The following ADGRL2 variants were observed in gnomAD, a reference collection of about 807,000 sequenced individuals.
The protein encoded by ADGRL2 is adhesion G protein-coupled receptor L2.
A neutral mutation model predicts 157.4 loss-of-function variants in ADGRL2; 44 were observed. The observed-to-expected ratio is 0.28, with a 90% CI of 0.22 to 0.36. The LOEUF is 0.36. Among genes scored for constraint, ADGRL2 ranks in the 10% least tolerant of loss-of-function variants. ADGRL2 has a pLI of 1.00. For missense variants in ADGRL2, 1,510 were observed against 1,768.9 expected, an observed-to-expected ratio of 0.85 and a Z score of 2.63; for synonymous variants, 585 against 624.7, an observed-to-expected ratio of 0.94 and a Z score of 0.95.
In ADGRL2 at chr1:81,992,329, CT is replaced by C. The variant is rs1453116260; in HGVS notation, c.*1187del. The C allele has an allele frequency of 1.3e-5, 2 of 152,192 alleles. No homozygotes were observed. Among genetic ancestry groups the C allele is most frequent in the African/African-American group, 2.4e-5 (1 of 41,332 alleles). 9.4% of individuals were successfully genotyped at this position (152,192 alleles called of 1,614,324 possible). A position where few individuals can be genotyped will look rare whatever the true frequency, so the allele number is the denominator to read the frequency against. On this transcript the variant is annotated 3_prime_UTR_variant, in exon 24 of 24. Transcript: ENST00000686636. ...GCAAAATTCTGCTTTTTTTTCATCC[CT>C]TTGTGTAAACCTGTTAATAATGAGC...
chr1:81,354,305 G>A (rs148197754), intron 1 of ADGRL2, among the ~76,000 whole-genome samples: 4 of 152,282 alleles, frequency 2.6e-5, no homozygotes, highest in African/African-American at 9.6e-5. Context: ...AGTTAATGAT[G>A]AAACTAATAT....
Position 81,475,084 on chromosome 1 carries a change from C to T in ADGRL2, c.-248+29995C>T, listed in dbSNP as rs2078245337. 2.0e-5 allele frequency among the ~76,000 whole-genome samples: 3 copies of T among 152,162 alleles called. No homozygotes were observed. The South Asian group carries it at 6.2e-4, about 32-fold the overall frequency. Reference sequence around the variant, plus strand: ...CCCCCAAGTCTTTAGCCTTCTATTTCCTTGGTTTCCTAGAGCTCATTGACA... The same window carrying T: ...CCCCCAAGTCTTTAGCCTTCTATTTTCTTGGTTTCCTAGAGCTCATTGACA... On this transcript the variant is annotated intron_variant, in intron 2 of 24. Coordinates refer to the ADGRL2 transcript ENST00000370721.
At chr1:81,800,330 C>T (rs1036249128), upstream of ADGRL2, 1 of 152,154 alleles carries the variant, frequency 6.6e-6, no homozygotes, top group African/African-American at 2.4e-5. Context: ...CGCCGGAAAT[C>T]TCAGGTATCA....
chr1:81,840,935 C>T (rs1315582371), intron 2 of ADGRL2, among the ~76,000 whole-genome samples: 1 of 152,060 alleles, frequency 6.6e-6, no homozygotes, highest in Admixed American at 6.6e-5. Context: ...ATAGTACCCA[C>T]TGTGGAATCA....
intron 11 of ADGRL2, 101 bp downstream of exon 11, chr1:81,956,161 CTT>C (rs1334967171): frequency 1.2e-6 from 1 of 826,386 alleles, no homozygotes; most frequent in Non-Finnish European, 1.7e-6. Context: ...TGCTGTACTT[CTT>C]TTTTTGTCAA....
intron 1 of ADGRL2, among the ~76,000 whole-genome samples, chr1:81,816,356 T>C (rs991250792): frequency 6.6e-6 from 1 of 151,868 alleles, no homozygotes; most frequent in East Asian, 1.9e-4. Context: ...CTAGACATTT[T>C]TGCACTATTC....
chr1:81,578,130 A>C (rs1035957000), intron 2 of ADGRL2, among the ~76,000 whole-genome samples: 1 of 152,192 alleles, frequency 6.6e-6, no homozygotes, highest in Non-Finnish European at 1.5e-5. Context: ...CAAGTTAGTT[A>C]GTTTGGATAG....
intron 1 of ADGRL2, among the ~76,000 whole-genome samples, chr1:81,720,124 T>C (rs1208672110): frequency 6.6e-6 from 1 of 152,064 alleles, no homozygotes; most frequent in Non-Finnish European, 1.5e-5. Context: ...TTACAGACAT[T>C]TTAAAAAAAG....
intron 1 of ADGRL2, among the ~76,000 whole-genome samples, chr1:81,441,804 C>A (rs2077512600): frequency 6.6e-6 from 1 of 152,138 alleles, no homozygotes; most frequent in Non-Finnish European, 1.5e-5. Flanking sequence ...TCCCAAAGTG[C>A]TGGGATTATA....
At chr1:81,877,062 C>T (rs1571859744) in intron 2 of ADGRL2, among the ~76,000 whole-genome samples, 1 of 152,144 alleles carries the variant, frequency 6.6e-6, no homozygotes, top group East Asian at 1.9e-4. Context: ...TTCCTGTCTC[C>T]TGGCCATCCT....
At chr1:81,564,314 G>C (rs1442836276) in intron 2 of ADGRL2, among the ~76,000 whole-genome samples, 1 of 152,150 alleles carries the variant, frequency 6.6e-6, no homozygotes, top group Non-Finnish European at 1.5e-5. Flanking sequence ...CAGCTGAATT[G>C]GGTTCTCTAA....
intron 1 of ADGRL2, among the ~76,000 whole-genome samples, chr1:81,383,043 G>A (rs2076370436): frequency 6.6e-6 from 1 of 152,254 alleles, no homozygotes; most frequent in East Asian, 1.9e-4. Flanking sequence ...CTTAGTGTTT[G>A]GGGATATCCC....
At chr1:81,662,228 A>G (rs1048419008) in intron 3 of ADGRL2, among the ~76,000 whole-genome samples, 2 of 150,744 alleles carry the variant, frequency 1.3e-5, no homozygotes, top group Non-Finnish European at 2.9e-5. Context: ...CTACTGTGCT[A>G]TCAAATAGTA....
intron 2 of ADGRL2, among the ~76,000 whole-genome samples, chr1:81,865,065 G>A (rs1546086): frequency 0.8 from 122,103 of 152,158 alleles, 49,878 homozygotes; most frequent in East Asian, 0.96. Context: ...GATTGTCTGT[G>A]TATTTTGATG....
intron 2 of ADGRL2, among the ~76,000 whole-genome samples, chr1:81,779,460 CCCT>C (rs2086726470): frequency 6.6e-6 from 1 of 151,986 alleles, no homozygotes; most frequent in Non-Finnish European, 1.5e-5. Context: ...TTATTGATCG[CCCT>C]CCTCATTTCA....
Position 81,644,498 on chromosome 1 carries a change from T to C in ADGRL2, c.-143+63518T>C, listed in dbSNP as rs373808869. Among the ~76,000 whole-genome samples, 6 of 152,174 alleles carry C rather than the reference T, an allele frequency of 3.9e-5. No individual in the cohort carries two copies. The East Asian group carries it at 9.7e-4, about 25-fold the overall frequency. On this transcript the variant is annotated intron_variant, in intron 3 of 24. Coordinates refer to the ADGRL2 transcript ENST00000370721. ...AGATAAAGAACTGTTACCTAAAATATACAAAGAACTCCTAAAATTCAACAA... is the reference window on the plus strand; with the variant it reads ...AGATAAAGAACTGTTACCTAAAATACACAAAGAACTCCTAAAATTCAACAA...
chr1:81,544,427 T>C (rs2079964024), intron 2 of ADGRL2, among the ~76,000 whole-genome samples: 1 of 152,256 alleles, frequency 6.6e-6, no homozygotes, highest in South Asian at 2.1e-4. Flanking sequence ...TAGTTACTTA[T>C]GTCTTCGAAT....
chr1:81,575,031 T>A (rs1181143152), intron 2 of ADGRL2, among the ~76,000 whole-genome samples: 1 of 152,214 alleles, frequency 6.6e-6, no homozygotes, highest in Non-Finnish European at 1.5e-5. Context: ...CTCTCTTTAG[T>A]TGCTTCTGTT....
In ADGRL2 at chr1:81,936,286, G is replaced by A. The variant is rs993820113; in HGVS notation, c.288-442G>A. 2.0e-5 allele frequency among the ~76,000 whole-genome samples: 3 copies of A among 151,848 alleles called. 1 individual carries two copies. The South Asian group carries it at 6.2e-4, about 31-fold the overall frequency. On this transcript the variant is annotated intron_variant, in intron 3 of 23. Transcript: ENST00000686636. ...TGTGTTGTCAAAAACTTCCTGCTGA[G>A]AAATTCAGGTTTTGACTCTTACGTT...
Sources: gnomAD v4.1 joint callset for allele counts (sites outside exome capture counted in the v4.1 genomes callset) on GRCh38, gnomAD v4.1.1 for gene constraint, MANE v1.5 for transcripts, NCBI Gene and HGNC (gene_info 2026-07-23, HGNC 2026-07-21) for gene names.